MIGA1: variants seen among roughly 807,000 people sequenced by gnomAD.
The protein encoded by MIGA1 is family with sequence similarity 73, member A.
In MIGA1, 58 loss-of-function variants were observed where a neutral mutation model predicts 82.0. That is an observed-to-expected ratio of 0.71 (90% confidence interval 0.57 to 0.88). MIGA1 has a LOEUF of 0.88. MIGA1 is among the 40% of genes least tolerant of loss of function. The pLI is 0.00. For synonymous variants in MIGA1, 249 were observed against 253.6 expected, an observed-to-expected ratio of 0.98 and a Z score of 0.17; for missense variants, 751 against 749.1, an observed-to-expected ratio of 1.00 and a Z score of -0.03.
chr1:77,807,586 A>C (rs563015969), intron 5 of MIGA1, among the ~76,000 whole-genome samples: 83 of 152,336 alleles, frequency 5.4e-4, no homozygotes, highest in Non-Finnish European at 1.0e-3. Flanking sequence ...CTAATACAAC[A>C]AAATTAAAAC....
At chr1:77,820,082 G>T (rs965317678) in intron 7 of MIGA1, among the ~76,000 whole-genome samples, 3 of 150,726 alleles carry the variant, frequency 2.0e-5, no homozygotes, top group Non-Finnish European at 4.4e-5. Context: ...TTTATTTCTG[G>T]TGGTGGTATG....
At chr1:77,787,122 A>G (rs533390090) in intron 2 of MIGA1, among the ~76,000 whole-genome samples, 1 of 152,312 alleles carries the variant, frequency 6.6e-6, no homozygotes, top group African/African-American at 2.4e-5. Context: ...TCAAACCATC[A>G]GATCTCGTGA....
At chr1:77,814,557 T>G (rs750676742) in intron 6 of MIGA1, among the ~76,000 whole-genome samples, 1 of 152,208 alleles carries the variant, frequency 6.6e-6, no homozygotes, top group Non-Finnish European at 1.5e-5. Flanking sequence ...CTACCTTGTC[T>G]GGCTTGGAAT....
chr1:77,780,294 T>A, intron 1 of MIGA1: 3 of 421,010 alleles, frequency 7.1e-6, no homozygotes, highest in Non-Finnish European at 9.6e-6. Context: ...GCAGGTGCTT[T>A]AAGAGAATAA....
At chr1:77,869,561 C>G (rs367722499) in intron 14 of MIGA1, among the ~76,000 whole-genome samples, 2 of 139,664 alleles carry the variant, frequency 1.4e-5, no homozygotes, top group African/African-American at 2.7e-5. Context: ...GGCGGCTGGC[C>G]GGGCGGGGGG....
At position 77,815,225 on chromosome 1, in the gene MIGA1, G is replaced by T. The variant is rs776848807; in HGVS notation, c.889G>T (p.Asp297Tyr). 6.3e-7 allele frequency: 1 copy of T among 1,595,338 alleles called. No individual in the cohort carries two copies. The highest frequency in any genetic ancestry group is 1.8e-5 in the Admixed American group (1 of 57,132). ...ATCTGATCCTAATTCCCTTGCTGAT[G>T]ATATTGGTAAGATGGATATTTCATA... Residue 297 changes from aspartate to tyrosine, a missense_variant, in exon 7 of 16, where the codon GAT (aspartate) becomes TAT (tyrosine). By Grantham distance (160) the Asp-to-Tyr change is radical. Around this residue, in one of 3 missense-constraint regions of MIGA1, gnomAD observed 482 missense variants for 439.4 expected, o/e 1.10. Transcript: ENST00000370791.
chr1:77,859,905 C>T (rs953504373), intron 10 of MIGA1, 135 bp from the exon 11 acceptor site: 1 of 599,382 alleles, frequency 1.7e-6, no homozygotes, highest in Non-Finnish European at 2.9e-6. Flanking sequence ...TTAGGACTTT[C>T]TCTGTGAGCT....
At chr1:77,806,865 G>T in intron 4 of MIGA1, 110 bp from the exon 5 acceptor site, 71 of 638,270 alleles carry the variant, frequency 1.1e-4, no homozygotes, top group Middle Eastern at 3.5e-4. Flanking sequence ...GAAATTACAT[G>T]GATTGTCTTA....
intron 5 of MIGA1, among the ~76,000 whole-genome samples, chr1:77,807,742 C>T (rs1052894486): frequency 1.3e-5 from 2 of 152,056 alleles, no homozygotes; most frequent in Non-Finnish European, 2.9e-5. Context: ...TTGTTTGGCT[C>T]GTGACCACAT....
At chr1:77,870,836 C>T (rs1685949057) in intron 14 of MIGA1, among the ~76,000 whole-genome samples, 2 of 151,454 alleles carry the variant, frequency 1.3e-5, no homozygotes, top group Admixed American at 6.6e-5. Context: ...AATCCCGGCA[C>T]CTCGGGAGGC....
intron 7 of MIGA1, among the ~76,000 whole-genome samples, chr1:77,822,384 C>G (rs968109638): frequency 1.3e-5 from 2 of 152,086 alleles, no homozygotes; most frequent in Non-Finnish European, 2.9e-5. Flanking sequence ...TATGTTGGTA[C>G]CTATGCACTC....
intron 8 of MIGA1, among the ~76,000 whole-genome samples, chr1:77,844,711 C>T (rs1419294082): frequency 2.0e-5 from 3 of 152,142 alleles, no homozygotes; most frequent in Admixed American, 2.0e-4. Context: ...GGCACAGTGG[C>T]TTATTCCTGT....
chr1:77,815,086 T>C, intron 6 of MIGA1, 22 bp from the exon 7 acceptor site: 1 of 1,462,200 alleles, frequency 6.8e-7, no homozygotes, highest in Non-Finnish European at 9.2e-7. Context: ...ATTTGTTCTG[T>C]GTACTTTTTC....
chr1:77,845,405 AT>A (rs1326542392), intron 8 of MIGA1, among the ~76,000 whole-genome samples: 1 of 152,126 alleles, frequency 6.6e-6, no homozygotes, highest in African/African-American at 2.4e-5. Context: ...AATATACCTA[AT>A]TGCTCTAAAG....
In MIGA1 at chr1:77,843,300, T is replaced by G; in HGVS notation, c.896-7T>G. On this transcript the variant is annotated splice_polypyrimidine_tract_variant and splice_region_variant and intron_variant, in intron 7 of 15. Coordinates refer to ENST00000370791, the MANE Select transcript of MIGA1 (RefSeq NM_198549.4). ...ACTTTCTGAACTTTTCACCTTTTAC[T>G]TTTAAGATAAAGATACAGATATCAC... 1 of 1,599,778 alleles carries G rather than the reference T, an allele frequency of 6.3e-7. No homozygotes were observed. The highest frequency in any genetic ancestry group is 8.6e-7 in the Non-Finnish European group (1 of 1,167,334).
intron 2 of MIGA1, among the ~76,000 whole-genome samples, chr1:77,787,720 T>A (rs1266534059): frequency 6.6e-6 from 1 of 152,190 alleles, no homozygotes; most frequent in Admixed American, 6.5e-5. Context: ...TGTTTTGTTC[T>A]CGTGGAGTTT....
intron 2 of MIGA1, among the ~76,000 whole-genome samples, chr1:77,791,497 T>A (rs1419612663): frequency 6.6e-6 from 1 of 151,914 alleles, no homozygotes; most frequent in Non-Finnish European, 1.5e-5. Flanking sequence ...CATTTGCTTG[T>A]AGGTGTTTGT....
At chr1:77,843,246 T>C in intron 7 of MIGA1, 61 bp from the exon 8 acceptor site, 1 of 1,200,974 alleles carries the variant, frequency 8.3e-7, no homozygotes, top group African/African-American at 1.5e-5. Flanking sequence ...AACTATGGAA[T>C]GTGAAATACC....
chr1:77,803,504 A>G (rs1682969864), intron 4 of MIGA1, 98 bp downstream of exon 4: 1 of 480,428 alleles, frequency 2.1e-6, no homozygotes, highest in South Asian at 8.2e-5. Context: ...CTTAGTATGG[A>G]AATACTCTTA....
Sources: gnomAD v4.1 joint callset for allele counts (sites outside exome capture counted in the v4.1 genomes callset) on GRCh38, gnomAD v4.1.1 for gene constraint, gnomAD v4.1.1 regional missense constraint, MANE v1.5 for transcripts, NCBI Gene and HGNC (gene_info 2026-07-23, HGNC 2026-07-21) for gene names.